Variants in CEP192 observed in about 807,000 individuals in gnomAD.
The protein encoded by CEP192 is centrosomal protein of 192 kDa.
In CEP192, 151 loss-of-function variants were observed where a neutral mutation model predicts 271.8. The observed-to-expected ratio is 0.56, with a 90% CI of 0.49 to 0.64. CEP192 has a LOEUF of 0.64. CEP192 is among the 30% of genes least tolerant of loss of function. CEP192 has a pLI of 0.00. For missense variants in CEP192, 2,910 were observed against 3,020.5 expected (o/e 0.96, Z 0.86); for synonymous variants, 995 against 1,076.5 (o/e 0.92, Z 1.48).
At chr18:13,073,317 T>C (rs2038111664) in intron 30 of CEP192, 132 bp downstream of exon 30, 1 of 798,118 alleles carries the variant, frequency 1.3e-6, no homozygotes, top group Non-Finnish European at 2.0e-6. Flanking sequence ...TACAAACAAG[T>C]TAGGGAGTAA....
chr18:13,045,718 G>T (rs1245902147), intron 15 of CEP192, among the ~76,000 whole-genome samples: 2 of 152,162 alleles, frequency 1.3e-5, no homozygotes, highest in African/African-American at 4.8e-5. Context: ...CATAAAATTT[G>T]TTGCATTAAA....
At chr18:13,035,559 C>T (rs2035873419) in intron 11 of CEP192, among the ~76,000 whole-genome samples, 1 of 152,192 alleles carries the variant, frequency 6.6e-6, no homozygotes, top group Admixed American at 6.5e-5. Flanking sequence ...CCTCCCACAA[C>T]ATTTGAGAAT....
chr18:13,069,202 G>A (rs1232630490), intron 26 of CEP192, 21 bp downstream of exon 26: 2 of 1,586,582 alleles, frequency 1.3e-6, no homozygotes, highest in Non-Finnish European at 1.7e-6. Flanking sequence ...CCATGAGAGT[G>A]CCATAAGATA....
intron 26 of CEP192, 45 bp downstream of exon 26, chr18:13,069,226 C>A: frequency 6.7e-7 from 1 of 1,484,910 alleles, no homozygotes; most frequent in Non-Finnish European, 9.4e-7. Context: ...TTTCCTCAGA[C>A]TGTGAGAGCT....
At chr18:13,101,188 T>C (rs1243361787) in intron 38 of CEP192, among the ~76,000 whole-genome samples, 2 of 152,218 alleles carry the variant, frequency 1.3e-5, no homozygotes, top group Admixed American at 1.3e-4. Flanking sequence ...GGTGAACAGC[T>C]GATACTGTAT....
intron 11 of CEP192, 112 bp downstream of exon 11, chr18:13,030,720 A>G (rs1314464631): frequency 6.3e-6 from 5 of 794,054 alleles, no homozygotes; most frequent in East Asian, 2.5e-5. Context: ...CTATCACTGT[A>G]TTCTGGAAGC....
rs537345676 is a variant in CEP192, at chr18:13,002,124, T to C, written c.290+542T>C. ...AAAAATAGAGAATATAGAAAATTAT[T>C]TGGAAGACAGTAAAGGCCTGTAATC... is the stretch of plus-strand genomic sequence containing the variant. On this transcript the variant is annotated intron_variant, in intron 3 of 44. Transcript: ENST00000506447. 8.5e-5 allele frequency among the ~76,000 whole-genome samples: 13 copies of C among 152,344 alleles called. No homozygotes were observed. In the South Asian group the frequency reaches 2.7e-3, roughly 32 times the overall value.
chr18:12,994,580 T>C (rs2033095298), intron 1 of CEP192, among the ~76,000 whole-genome samples: 1 of 152,024 alleles, frequency 6.6e-6, no homozygotes, highest in South Asian at 2.1e-4. Flanking sequence ...GGCTTTTCAG[T>C]AGGGTAAGGT....
At chr18:13,067,214 T>A (rs560459283) in intron 21 of CEP192, among the ~76,000 whole-genome samples, 2 of 152,308 alleles carry the variant, frequency 1.3e-5, no homozygotes, top group East Asian at 3.9e-4. Flanking sequence ...GTTAGGTGTT[T>A]GAAGTATACA....
chr18:13,099,039 GC>G (rs2039570974), intron 36 of CEP192, among the ~76,000 whole-genome samples: 1 of 152,098 alleles, frequency 6.6e-6, no homozygotes, highest in Admixed American at 6.5e-5. Flanking sequence ...AACCAGTCAG[GC>G]GTGGCAGCGC....
chr18:13,102,877 C>T (rs1230376180), intron 38 of CEP192, among the ~76,000 whole-genome samples: 4 of 152,208 alleles, frequency 2.6e-5, no homozygotes, highest in African/African-American at 7.2e-5. Flanking sequence ...CACACCCTGG[C>T]GCCTGCTTGG....
intron 37 of CEP192, among the ~76,000 whole-genome samples, chr18:13,099,926 G>A (rs910233248): frequency 1.3e-5 from 2 of 152,134 alleles, no homozygotes; most frequent in Non-Finnish European, 2.9e-5. Context: ...GAGGATTTTA[G>A]CATCCTTAGG....
chr18:13,117,494 G>T, intron 43 of CEP192, 91 bp from the exon 44 acceptor site: 1 of 898,134 alleles, frequency 1.1e-6, no homozygotes, highest in Non-Finnish European at 1.8e-6. Context: ...TTTACAAAAT[G>T]TATCTGTAAT....
chr18:13,110,323 C>T (rs1463263692), intron 40 of CEP192, among the ~76,000 whole-genome samples: 1 of 152,036 alleles, frequency 6.6e-6, no homozygotes, highest in Non-Finnish European at 1.5e-5. Flanking sequence ...GCTTTCAAAG[C>T]CTACTACAAA....
At position 13,037,223 on chromosome 18, in the gene CEP192, C is replaced by T; in HGVS notation, c.1535-14C>T. The T allele has an allele frequency of 8.8e-7, 1 of 1,130,552 alleles. No homozygotes were observed. The highest frequency in any genetic ancestry group is 1.3e-6 in the Non-Finnish European group (1 of 768,998). 70.0% of individuals were successfully genotyped at this position (1,130,552 alleles called of 1,614,324 possible). ...CATTAGTGTAATGTATTTATATAAACATTCTTTTTTAAGCTGAAGCATTTG... is the reference window on the plus strand; with the variant it reads ...CATTAGTGTAATGTATTTATATAAATATTCTTTTTTAAGCTGAAGCATTTG... On this transcript the variant is annotated splice_polypyrimidine_tract_variant and intron_variant, in intron 11 of 44. Transcript: ENST00000506447.
chr18:13,110,139 T>C (rs1283268705), intron 40 of CEP192, among the ~76,000 whole-genome samples: 2 of 152,236 alleles, frequency 1.3e-5, no homozygotes, highest in African/African-American at 4.8e-5. Context: ...TGCACAGTTG[T>C]AATTAAAATC....
At chr18:13,039,684 G>T (rs1033144245) in intron 13 of CEP192, among the ~76,000 whole-genome samples, 1 of 152,084 alleles carries the variant, frequency 6.6e-6, no homozygotes, top group African/African-American at 2.4e-5. Flanking sequence ...CCTGGTAGGA[G>T]GGGGGTTTTA....
intron 44 of CEP192, among the ~76,000 whole-genome samples, chr18:13,123,212 G>A (rs1431925321): frequency 6.6e-6 from 1 of 152,102 alleles, no homozygotes; most frequent in Non-Finnish European, 1.5e-5. Context: ...CCACCAACAT[G>A]CAAGAGAAAA....
At position 13,055,890 on chromosome 18, in the gene CEP192, A is replaced by C. The variant is rs753863152; in HGVS notation, c.3300A>C (p.Gly1100=). 2.5e-6 allele frequency: 4 copies of C among 1,613,942 alleles called. No individual in the cohort carries two copies. The highest frequency in any genetic ancestry group is 2.5e-6 in the Non-Finnish European group (3 of 1,179,970). The change falls in exon 19 of 45, where the codon GGA becomes GGC. Residue 1100 remains glycine, a synonymous_variant. Coordinates refer to ENST00000506447, the MANE Select transcript of CEP192 (RefSeq NM_032142.4). ...LREKVPFQNR[G]KGTLSSIIQN... is the part of the protein sequence containing the mutation. ...AAAAAGTTCCATTTCAGAATAGAGG[A>C]AAAGGAACATTATCATCTATTATCC...
Sources: allele counts gnomAD v4.1 joint callset (sites outside exome capture counted in the v4.1 genomes callset), GRCh38; gene constraint gnomAD v4.1.1; transcripts MANE v1.5; gene names NCBI Gene and HGNC (gene_info 2026-07-23, HGNC 2026-07-21).